The following SGCZ variants were observed in gnomAD, a reference collection of about 807,000 sequenced individuals.
SGCZ encodes sarcoglycan zeta.
A neutral mutation model predicts 41.3 loss-of-function variants in SGCZ; 40 were observed. The ratio of observed to expected loss-of-function variants is 0.97; its 90% CI spans 0.75 to 1.26. The LOEUF is 1.26. Among genes scored for constraint, SGCZ ranks in the 50% most tolerant of loss-of-function variants. The probability of loss-of-function intolerance (pLI) is 0.00; values close to 1 mark genes in which losing one functional copy is unlikely to be tolerated. For synonymous variants in SGCZ, 206 were observed against 137.5 expected (o/e 1.50, Z -3.49); for missense variants, 552 against 369.8 (o/e 1.49, Z -4.04).
At chr8:14,957,875 A>T (rs1358175177) in intron 1 of SGCZ, among the ~76,000 whole-genome samples, 1 of 152,096 alleles carries the variant, frequency 6.6e-6, no homozygotes, top group African/African-American at 2.4e-5. Context: ...TTACGTAAGT[A>T]AATGTTCATT....
chr8:14,701,153 C>T (rs1809124600), intron 1 of SGCZ, among the ~76,000 whole-genome samples: 1 of 151,710 alleles, frequency 6.6e-6, no homozygotes, highest in East Asian at 1.9e-4. Context: ...AATAAAAGGG[C>T]ACTCTGAGAA....
chr8:14,305,102 T>C (rs943502574), intron 3 of SGCZ, among the ~76,000 whole-genome samples: 1 of 152,182 alleles, frequency 6.6e-6, no homozygotes, highest in Non-Finnish European at 1.5e-5. Flanking sequence ...AGATGGTAGA[T>C]AAAATAGATT....
intron 2 of SGCZ, among the ~76,000 whole-genome samples, chr8:14,413,548 A>T (rs1799417087): frequency 6.6e-6 from 1 of 152,022 alleles, no homozygotes; most frequent in Non-Finnish European, 1.5e-5. Flanking sequence ...ACATATTAAA[A>T]CTTGTTCCAT....
At chr8:14,697,755 TA>T (rs1435409180) in intron 1 of SGCZ, among the ~76,000 whole-genome samples, 1 of 151,994 alleles carries the variant, frequency 6.6e-6, no homozygotes, top group African/African-American at 2.4e-5. Context: ...ATATCTTAAA[TA>T]ACTTTATCCT....
intron 1 of SGCZ, among the ~76,000 whole-genome samples, chr8:14,960,817 C>T (rs1205725896): frequency 7.9e-5 from 12 of 151,966 alleles, no homozygotes; most frequent in African/African-American, 2.4e-4. Context: ...ATTTTTTTTA[C>T]ACACTCCACA....
chr8:15,218,189 T>A (rs1412494464), intron 1 of SGCZ, among the ~76,000 whole-genome samples: 1 of 152,200 alleles, frequency 6.6e-6, no homozygotes, highest in African/African-American at 2.4e-5. Context: ...AAGTTTCTCA[T>A]GAAAGACTTT....
intron 3 of SGCZ, among the ~76,000 whole-genome samples, chr8:14,284,452 G>C (rs1800554620): frequency 6.6e-6 from 1 of 152,158 alleles, no homozygotes; most frequent in South Asian, 2.1e-4. Flanking sequence ...ATCTATATTT[G>C]GTGGATGTGC....
At chr8:15,012,719 G>T (rs10097549) in intron 1 of SGCZ, among the ~76,000 whole-genome samples, 17,164 of 140,750 alleles carry the variant, frequency 0.12, 1,173 homozygotes, top group Admixed American at 0.21. Flanking sequence ...ATGTTATAAA[G>T]AGAAATATAT....
chr8:14,801,681 G>T (rs1801325337), intron 1 of SGCZ, among the ~76,000 whole-genome samples: 2 of 152,102 alleles, frequency 1.3e-5, no homozygotes, highest in South Asian at 4.1e-4. Context: ...GGAAAATCAG[G>T]CAGAGACTAA....
intron 1 of SGCZ, among the ~76,000 whole-genome samples, chr8:14,794,464 G>C (rs1801059713): frequency 6.6e-6 from 1 of 152,030 alleles, no homozygotes; most frequent in South Asian, 2.1e-4. Context: ...TGAATGAAAG[G>C]TAAATTAAGA....
At chr8:14,520,867 T>C (rs755353183) in intron 2 of SGCZ, among the ~76,000 whole-genome samples, 5 of 152,124 alleles carry the variant, frequency 3.3e-5, no homozygotes, top group Non-Finnish European at 7.4e-5. Flanking sequence ...ATTTTTAGGA[T>C]GTACTTAAAA....
intron 1 of SGCZ, among the ~76,000 whole-genome samples, chr8:15,191,106 A>G (rs986081737): frequency 6.6e-6 from 1 of 152,206 alleles, no homozygotes; most frequent in East Asian, 1.9e-4. Flanking sequence ...AATTTAGATC[A>G]ATTAAAAAGC....
chr8:14,247,603 C>G (rs1799148492), intron 3 of SGCZ, among the ~76,000 whole-genome samples: 1 of 152,188 alleles, frequency 6.6e-6, no homozygotes, highest in African/African-American at 2.4e-5. Flanking sequence ...TTGCTTTAGT[C>G]AGATGAAAAG....
intron 1 of SGCZ, among the ~76,000 whole-genome samples, chr8:14,867,453 T>G (rs1425781253): frequency 1.3e-5 from 2 of 152,150 alleles, no homozygotes; most frequent in African/African-American, 4.8e-5. Context: ...TTTATATTCC[T>G]TTGGGCATAC....
chr8:15,033,147 C>T (rs1803743743), intron 1 of SGCZ, among the ~76,000 whole-genome samples: 1 of 150,810 alleles, frequency 6.6e-6, no homozygotes, highest in Non-Finnish European at 1.5e-5. Context: ...CAGGCCCATC[C>T]CACTAGACCC....
At chr8:14,564,560 G>C (rs1804301844) in intron 1 of SGCZ, among the ~76,000 whole-genome samples, 1 of 152,092 alleles carries the variant, frequency 6.6e-6, no homozygotes, top group Non-Finnish European at 1.5e-5. Flanking sequence ...GGATGTTAAA[G>C]TACTCTTTTC....
intron 1 of SGCZ, among the ~76,000 whole-genome samples, chr8:14,894,089 T>C (rs1805112560): frequency 6.6e-6 from 1 of 152,178 alleles, no homozygotes. Context: ...TTAATTGGCA[T>C]TGATTTATCA....
chr8:14,521,430 A>G (rs185343823), intron 2 of SGCZ, among the ~76,000 whole-genome samples: 2 of 152,216 alleles, frequency 1.3e-5, no homozygotes, highest in Admixed American at 6.5e-5. Context: ...ATGTTTACCT[A>G]TGTAACAAAC....
At chr8:14,813,815 TG>T (rs968991869) in intron 1 of SGCZ, among the ~76,000 whole-genome samples, 4 of 151,986 alleles carry the variant, frequency 2.6e-5, no homozygotes, top group East Asian at 1.9e-4. Flanking sequence ...TAGCCAGGCA[TG>T]GGGGTGCATG....
Sources: gnomAD v4.1 joint callset for allele counts (sites outside exome capture counted in the v4.1 genomes callset) on GRCh38, gnomAD v4.1.1 for gene constraint, MANE v1.5 for transcripts, NCBI Gene and HGNC (gene_info 2026-07-23, HGNC 2026-07-21) for gene names.